TASP1: variants seen among roughly 807,000 people sequenced by gnomAD.
TASP1 encodes taspase 1, also known as threonine aspartase 1.
TASP1 carries 16 observed loss-of-function variants against 56.6 expected under a neutral mutation model. The observed-to-expected ratio is 0.28, with a 90% CI of 0.19 to 0.43. TASP1 has a LOEUF of 0.43. Ranked by LOEUF, TASP1 falls within the 20% of genes least tolerant of loss-of-function variation. TASP1 has a pLI of 1.00. For missense variants in TASP1, 393 were observed against 511.6 expected, an observed-to-expected ratio of 0.77 and a Z score of 2.24; for synonymous variants, 179 against 184.2, an observed-to-expected ratio of 0.97 and a Z score of 0.23.
chr20:13,270,871 T>C, the TASP1 span: 3 of 820,472 alleles, frequency 3.7e-6, no homozygotes, highest in Non-Finnish European at 3.9e-6. Flanking sequence ...CTGCTTAAGA[T>C]CATGTTATCT....
chr20:13,624,903 C>T (rs189222344), intron 3 of TASP1, among the ~76,000 whole-genome samples: 3 of 152,190 alleles, frequency 2.0e-5, no homozygotes, highest in Non-Finnish European at 2.9e-5. Flanking sequence ...CTTCTGTCTA[C>T]AGAAGTTCAA....
chr20:13,361,528 C>G, the TASP1 span, among the ~76,000 whole-genome samples: 2 of 152,184 alleles, frequency 1.3e-5, no homozygotes, highest in Non-Finnish European at 2.9e-5. Context: ...CTGGACAATA[C>G]TTTTACCACT....
At chr20:13,186,505 C>T in the TASP1 span, among the ~76,000 whole-genome samples, 1 of 152,076 alleles carries the variant, frequency 6.6e-6, no homozygotes, top group African/African-American at 2.4e-5. Flanking sequence ...GCTACATTAC[C>T]AGTAGAACAG....
At chr20:13,126,540 C>G in the TASP1 span, 1 of 1,602,156 alleles carries the variant, frequency 6.2e-7, no homozygotes, top group African/African-American at 1.3e-5. Flanking sequence ...TTCCCACCAC[C>G]AGTGTTGAGA....
At chr20:13,402,875 T>C (rs1318666884) in intron 13 of TASP1, among the ~76,000 whole-genome samples, 2 of 152,222 alleles carry the variant, frequency 1.3e-5, no homozygotes, top group African/African-American at 4.8e-5. Context: ...TACAAGAAGA[T>C]TGCCTGTAAT....
chr20:13,192,468 T>C, the TASP1 span, among the ~76,000 whole-genome samples: 1 of 152,060 alleles, frequency 6.6e-6, no homozygotes, highest in Non-Finnish European at 1.5e-5. Context: ...TGAACCCAAG[T>C]GATCAAGGCT....
intron 8 of TASP1, among the ~76,000 whole-genome samples, chr20:13,545,007 G>A (rs1241772575): frequency 6.6e-6 from 1 of 151,036 alleles, no homozygotes; most frequent in African/African-American, 2.4e-5. Context: ...ACTTAATACA[G>A]TAATAAGTTA....
At chr20:13,493,754 T>C (rs903780933) in intron 10 of TASP1, among the ~76,000 whole-genome samples, 2 of 152,192 alleles carry the variant, frequency 1.3e-5, no homozygotes, top group African/African-American at 4.8e-5. Flanking sequence ...ATAAATATCC[T>C]ATAAGTTCTG....
chr20:13,113,010 C>T, the TASP1 span, among the ~76,000 whole-genome samples: 1 of 152,178 alleles, frequency 6.6e-6, no homozygotes, highest in East Asian at 1.9e-4. Flanking sequence ...GGGTGAAACC[C>T]CACCTCTACT....
At chr20:13,415,152 T>C (rs1026374343) in intron 13 of TASP1, among the ~76,000 whole-genome samples, 2 of 152,164 alleles carry the variant, frequency 1.3e-5, no homozygotes, top group Non-Finnish European at 2.9e-5. Context: ...CTCAACATTA[T>C]GGAGGAACAT....
At chr20:13,516,192 A>G (rs1014643544) in intron 10 of TASP1, among the ~76,000 whole-genome samples, 6 of 152,168 alleles carry the variant, frequency 3.9e-5, no homozygotes, top group African/African-American at 1.4e-4. Context: ...TATTTAGTGA[A>G]TTCTGCATTT....
the TASP1 span, among the ~76,000 whole-genome samples, chr20:13,348,128 C>A: frequency 6.6e-6 from 1 of 152,122 alleles, no homozygotes; most frequent in South Asian, 2.1e-4. Flanking sequence ...ACAAAATACC[C>A]TACAATGCAT....
chr20:13,361,059 A>G, the TASP1 span, among the ~76,000 whole-genome samples: 8 of 152,192 alleles, frequency 5.3e-5, no homozygotes, highest in South Asian at 2.1e-4. Flanking sequence ...CCTCAAGGAA[A>G]TAACTTCTCA....
At chr20:13,331,365 A>G in the TASP1 span, among the ~76,000 whole-genome samples, 1 of 152,348 alleles carries the variant, frequency 6.6e-6, no homozygotes, top group South Asian at 2.1e-4. Flanking sequence ...GACATAGCTC[A>G]AATTAATGAG....
the TASP1 span, among the ~76,000 whole-genome samples, chr20:13,282,693 A>G: frequency 1.3e-5 from 2 of 152,172 alleles, no homozygotes; most frequent in African/African-American, 4.8e-5. Flanking sequence ...GGACATCGGG[A>G]TTGCTACTTT....
At chr20:13,518,630 A>G (rs2044622921) in intron 10 of TASP1, among the ~76,000 whole-genome samples, 2 of 152,058 alleles carry the variant, frequency 1.3e-5, no homozygotes, top group Non-Finnish European at 2.9e-5. Flanking sequence ...TTACCCCACC[A>G]CAATGTATTT....
At chr20:13,471,571 C>G (rs1251781716) in intron 11 of TASP1, among the ~76,000 whole-genome samples, 3 of 152,114 alleles carry the variant, frequency 2.0e-5, no homozygotes. Flanking sequence ...GTACATGACC[C>G]TCCTTTCTAT....
intron 11 of TASP1, among the ~76,000 whole-genome samples, chr20:13,462,489 T>C (rs1308522302): frequency 6.6e-6 from 1 of 152,178 alleles, no homozygotes; most frequent in African/African-American, 2.4e-5. Flanking sequence ...CCTTTTTTCC[T>C]AAGCATGGTA....
At chr20:13,274,226 G>A in the TASP1 span, among the ~76,000 whole-genome samples, 26 of 152,144 alleles carry the variant, frequency 1.7e-4, no homozygotes, top group Non-Finnish European at 2.9e-4. Context: ...GATGGTTTCC[G>A]TGTTGGCAGC....
Sources: allele counts gnomAD v4.1 joint callset (sites outside exome capture counted in the v4.1 genomes callset), GRCh38; gene constraint gnomAD v4.1.1; transcripts MANE v1.5; gene names NCBI Gene and HGNC (gene_info 2026-07-23, HGNC 2026-07-21).